GRAMD1C: variants seen among roughly 807,000 people sequenced by gnomAD.
GRAMD1C encodes the protein protein Aster-C.
Under a neutral mutation model 97.8 loss-of-function variants are expected in GRAMD1C, and 89 were observed. The ratio of observed to expected loss-of-function variants is 0.91; its 90% CI spans 0.77 to 1.09. The LOEUF is 1.09. Among genes scored for constraint, GRAMD1C ranks in the 50% least tolerant of loss-of-function variants. The pLI is 0.00. For synonymous variants in GRAMD1C, 256 were observed against 267.0 expected, an observed-to-expected ratio of 0.96 and a Z score of 0.40; for missense variants, 740 against 766.4, an observed-to-expected ratio of 0.97 and a Z score of 0.41.
chr3:113,915,755 A>G lies in GRAMD1C; in HGVS notation c.1007A>G (p.His336Arg), dbSNP rs1936788945. The G allele has an allele frequency of 5.0e-6, 8 of 1,609,452 alleles. No individual in the cohort carries two copies. Among genetic ancestry groups the G allele is most frequent in the Non-Finnish European group, 6.0e-6 (7 of 1,176,200 alleles). ...HGRLFINRIFHISADRMFELL... is the reference protein window; with the variant it reads ...HGRLFINRIFRISADRMFELL... The stretch of plus-strand genomic sequence containing the variant: ...AGACTTTTTATCAACCGTATTTTTC[A>G]TATCAGTGCTGACAGAATGTTTGAA... The change falls in exon 10 of 18, where the codon CAT (histidine) becomes CGT (arginine). Residue 336 changes from histidine (H) to arginine (R), a missense_variant. His to Arg is a conservative substitution (Grantham distance 29, BLOSUM62 0). Coordinates refer to ENST00000358160, the MANE Select transcript of GRAMD1C (RefSeq NM_017577.5).
intron 2 of GRAMD1C, among the ~76,000 whole-genome samples, chr3:113,865,169 C>T (rs1018922757): frequency 2.6e-5 from 4 of 151,978 alleles, no homozygotes; most frequent in African/African-American, 9.7e-5. Context: ...TTATAATAAC[C>T]TGCTCTTTTG....
intron 10 of GRAMD1C, among the ~76,000 whole-genome samples, chr3:113,926,356 T>C (rs1937230203): frequency 1.3e-5 from 2 of 152,248 alleles, no homozygotes; most frequent in South Asian, 2.1e-4. Context: ...ATTTGTATTA[T>C]GAAATTTCAG....
At chr3:113,934,736 T>A (rs1559825117) in intron 13 of GRAMD1C, among the ~76,000 whole-genome samples, 1 of 152,114 alleles carries the variant, frequency 6.6e-6, no homozygotes, top group African/African-American at 2.4e-5. Flanking sequence ...AACAAACACT[T>A]ATTTTTTTTA....
At chr3:113,909,781 A>G (rs145088253) in intron 9 of GRAMD1C, among the ~76,000 whole-genome samples, 2 of 152,328 alleles carry the variant, frequency 1.3e-5, no homozygotes, top group Admixed American at 1.3e-4. Context: ...TCTGGAAAGG[A>G]AATCTTTCTC....
At chr3:113,902,802 C>T (rs1009891273) in intron 7 of GRAMD1C, among the ~76,000 whole-genome samples, 8 of 151,260 alleles carry the variant, frequency 5.3e-5, no homozygotes, top group African/African-American at 1.5e-4. Flanking sequence ...CCCACCACCA[C>T]GCCTGGCTAC....
chr3:113,874,971 C>T (rs556533250), intron 3 of GRAMD1C, among the ~76,000 whole-genome samples: 1 of 152,336 alleles, frequency 6.6e-6, no homozygotes, highest in East Asian at 1.9e-4. Context: ...CCACAGTCTA[C>T]CATGGCTTGT....
At chr3:113,900,758 A>G (rs1936138417) in intron 6 of GRAMD1C, among the ~76,000 whole-genome samples, 1 of 152,070 alleles carries the variant, frequency 6.6e-6, no homozygotes, top group African/African-American at 2.4e-5. Flanking sequence ...GAAAATTTAA[A>G]ACATTTTTAA....
intron 11 of GRAMD1C, among the ~76,000 whole-genome samples, chr3:113,931,997 C>A (rs1166854200): frequency 6.6e-6 from 1 of 152,128 alleles, no homozygotes; most frequent in Non-Finnish European, 1.5e-5. Context: ...AGAATTGTTT[C>A]AAGAGTTAGG....
rs764253873 is a variant in GRAMD1C, at chr3:113,844,650, G to T, written c.174+1G>T. 7 of 1,575,844 alleles carry T rather than the reference G, an allele frequency of 4.4e-6. No individual in the cohort carries two copies. The highest frequency in any genetic ancestry group is 6.0e-6 in the Non-Finnish European group (7 of 1,165,044). On this transcript the variant is annotated splice_donor_variant, in intron 2 of 17. Transcript: ENST00000358160. LOFTEE classifies it high-confidence loss of function. ...TTGGAGTGGTGACTGGAGCTTTTGG[G>T]TAATTTCTTTTTTTACGTCTTTATT...
At chr3:113,892,165 C>G (rs1261995454) in intron 6 of GRAMD1C, among the ~76,000 whole-genome samples, 2 of 151,934 alleles carry the variant, frequency 1.3e-5, no homozygotes, top group Non-Finnish European at 2.9e-5. Context: ...AAAGAATCAT[C>G]TTTTTCTCTT....
intron 1 of GRAMD1C, among the ~76,000 whole-genome samples, chr3:113,843,763 A>G (rs1933481300): frequency 6.6e-6 from 1 of 152,200 alleles, no homozygotes; most frequent in Admixed American, 6.5e-5. Flanking sequence ...CAGCTGGCAC[A>G]TCTTATTTGT....
chr3:113,831,904 C>T (rs1709562144), intron 1 of GRAMD1C, among the ~76,000 whole-genome samples: 1 of 152,110 alleles, frequency 6.6e-6, no homozygotes, highest in Admixed American at 6.5e-5. Flanking sequence ...TTTTGTTTGC[C>T]TAATGCTCAG....
chr3:113,917,322 T>TTTTA (rs950373509), intron 10 of GRAMD1C, among the ~76,000 whole-genome samples: 10 of 152,116 alleles, frequency 6.6e-5, no homozygotes, highest in Admixed American at 3.3e-4. Context: ...CTATAGTCAA[T>TTTTA]TTTATTTATT....
chr3:113,878,772 A>G (rs764893210), intron 5 of GRAMD1C, among the ~76,000 whole-genome samples: 3 of 152,118 alleles, frequency 2.0e-5, no homozygotes, highest in Non-Finnish European at 4.4e-5. Context: ...ATAGTTACTT[A>G]TTTAACCACT....
At chr3:113,869,958 A>G (rs1488595266) in intron 3 of GRAMD1C, among the ~76,000 whole-genome samples, 1 of 152,158 alleles carries the variant, frequency 6.6e-6, no homozygotes, top group Non-Finnish European at 1.5e-5. Context: ...AACAGTGTGG[A>G]TGGAACTGGA....
intron 5 of GRAMD1C, among the ~76,000 whole-genome samples, chr3:113,881,215 C>T (rs1002442550): frequency 3.9e-5 from 6 of 152,228 alleles, no homozygotes; most frequent in East Asian, 1.9e-4. Context: ...AATGCAGTGG[C>T]GCGATCCTAG....
At chr3:113,873,132 C>T (rs914204046) in intron 3 of GRAMD1C, among the ~76,000 whole-genome samples, 9 of 137,588 alleles carry the variant, frequency 6.5e-5, no homozygotes, top group African/African-American at 1.1e-4. Flanking sequence ...TGGTGGCGCA[C>T]GCTTTTAATC....
At chr3:113,920,083 GC>G in intron 10 of GRAMD1C, 1 of 1,202,834 alleles carries the variant, frequency 8.3e-7, no homozygotes, top group Non-Finnish European at 1.2e-6. Flanking sequence ...ACTTCAAACA[GC>G]AGGAGATCAT....
chr3:113,915,416 A>G (rs1356176852), intron 9 of GRAMD1C, among the ~76,000 whole-genome samples: 1 of 152,178 alleles, frequency 6.6e-6, no homozygotes, highest in Non-Finnish European at 1.5e-5. Flanking sequence ...ATACCATTCA[A>G]GTGAAATATT....
Sources: allele counts gnomAD v4.1 joint callset (sites outside exome capture counted in the v4.1 genomes callset), GRCh38; gene constraint gnomAD v4.1.1; transcripts MANE v1.5; gene names NCBI Gene and HGNC (gene_info 2026-07-23, HGNC 2026-07-21).